Variants in SGMS2 observed in about 807,000 individuals in gnomAD.
SGMS2 encodes the protein sphingomyelin synthase 2.
In SGMS2, 21 loss-of-function variants were observed where a neutral mutation model predicts 43.8. That is an observed-to-expected ratio of 0.48 (90% confidence interval 0.34 to 0.69). The LOEUF is 0.69. Ranked by LOEUF, SGMS2 falls within the 30% of genes least tolerant of loss-of-function variation. The probability of loss-of-function intolerance (pLI) is 0.01; values close to 1 mark genes in which losing one functional copy is unlikely to be tolerated. For missense variants in SGMS2, 384 were observed against 443.2 expected (o/e 0.87, Z 1.20); for synonymous variants, 167 against 160.6 (o/e 1.04, Z -0.30).
chr4:107,900,174 T>C (rs549340854), intron 4 of SGMS2, among the ~76,000 whole-genome samples: 1 of 152,182 alleles, frequency 6.6e-6, no homozygotes, highest in South Asian at 2.1e-4. Flanking sequence ...GAGGGTTCTA[T>C]TTGATATAGA....
intron 1 of SGMS2, among the ~76,000 whole-genome samples, chr4:107,852,071 ATT>A (rs200520406): frequency 4.9e-5 from 7 of 143,744 alleles, no homozygotes; most frequent in African/African-American, 5.1e-5. Context: ...TGTCATAATA[ATT>A]TTTTTTTTTT....
intron 2 of SGMS2, among the ~76,000 whole-genome samples, chr4:107,888,657 AT>A (rs940459174): frequency 1.3e-5 from 2 of 152,038 alleles, no homozygotes; most frequent in African/African-American, 4.8e-5. Context: ...TTCCTGGTTC[AT>A]TTTACCTGGT....
intron 1 of SGMS2, among the ~76,000 whole-genome samples, chr4:107,842,472 A>G (rs1037051264): frequency 6.6e-6 from 1 of 152,226 alleles, no homozygotes; most frequent in African/African-American, 2.4e-5. Context: ...CCAATTCATG[A>G]GGGATCTGCC....
chr4:107,889,979 G>T (rs1034209913), intron 2 of SGMS2, among the ~76,000 whole-genome samples: 1 of 152,126 alleles, frequency 6.6e-6, no homozygotes, highest in African/African-American at 2.4e-5. Flanking sequence ...TTCCAAAAAG[G>T]GAGAATTTTT....
chr4:107,851,869 A>G (rs1578529733), intron 1 of SGMS2, among the ~76,000 whole-genome samples: 1 of 152,132 alleles, frequency 6.6e-6, no homozygotes, highest in Admixed American at 6.5e-5. Flanking sequence ...ATTAGGCTAT[A>G]TTTAACTGGA....
chr4:107,890,299 A>G (rs999982415), intron 2 of SGMS2, among the ~76,000 whole-genome samples: 3 of 152,286 alleles, frequency 2.0e-5, no homozygotes, highest in Admixed American at 6.5e-5. Flanking sequence ...TAGGTCCCTC[A>G]TGCAGCAGAG....
At chr4:107,899,753 C>A in intron 4 of SGMS2, 61 bp downstream of exon 4, 1 of 1,085,660 alleles carries the variant, frequency 9.2e-7, no homozygotes, top group South Asian at 1.4e-5. Context: ...ATCACTTACC[C>A]TGTATTATAC....
At chr4:107,900,874 T>C (rs908354193) in intron 4 of SGMS2, among the ~76,000 whole-genome samples, 1 of 152,170 alleles carries the variant, frequency 6.6e-6, no homozygotes, top group Non-Finnish European at 1.5e-5. Flanking sequence ...ATATCTGTAA[T>C]TAAAACTGTG....
chr4:107,880,522 G>A (rs1729253151), intron 2 of SGMS2, among the ~76,000 whole-genome samples: 1 of 151,910 alleles, frequency 6.6e-6, no homozygotes, highest in Non-Finnish European at 1.5e-5. Flanking sequence ...ATTTTGGCTG[G>A]AAAGAATTTT....
chr4:107,833,910 G>A (rs1726030500), intron 1 of SGMS2, among the ~76,000 whole-genome samples: 1 of 152,224 alleles, frequency 6.6e-6, no homozygotes, highest in African/African-American at 2.4e-5. Context: ...TTTGAAAATG[G>A]AAGGAGGCCA....
Position 107,857,268 on chromosome 4 carries a change from G to A in SGMS2, c.-326-1204G>A, listed in dbSNP as rs577118177. Among the ~76,000 whole-genome samples, 13 of 152,126 alleles carry A rather than the reference G, an allele frequency of 8.5e-5. No individual in the cohort carries two copies. In the South Asian group the frequency reaches 1.7e-3, roughly 19 times the overall value. ...TTGTTTATCCATTTAATAGTTGATGGACATTTGGGTTTTTTCCACTTTGGG... is the reference window on the plus strand; with the variant it reads ...TTGTTTATCCATTTAATAGTTGATGAACATTTGGGTTTTTTCCACTTTGGG... On this transcript the variant is annotated intron_variant, in intron 1 of 6. Transcript: ENST00000690982.
intron 1 of SGMS2, among the ~76,000 whole-genome samples, chr4:107,858,195 A>G (rs1353093293): frequency 6.6e-6 from 1 of 152,192 alleles, no homozygotes; most frequent in Non-Finnish European, 1.5e-5. Context: ...TCAGGAGGCA[A>G]GGGAATCTGC....
Sources: gnomAD v4.1 joint callset for allele counts (sites outside exome capture counted in the v4.1 genomes callset) on GRCh38, gnomAD v4.1.1 for gene constraint, MANE v1.5 for transcripts, NCBI Gene and HGNC (gene_info 2026-07-23, HGNC 2026-07-21) for gene names.